Variants in UBAP2L observed in about 807,000 individuals in gnomAD.
UBAP2L encodes ubiquitin associated protein 2 like, also known as ubiquitin-associated protein 2-like.
UBAP2L carries 12 observed loss-of-function variants against 130.6 expected under a neutral mutation model. The observed-to-expected ratio is 0.09, with a 90% CI of 0.06 to 0.15. UBAP2L has a LOEUF of 0.15. Among genes scored for constraint, UBAP2L ranks in the 10% least tolerant of loss-of-function variants. The probability of loss-of-function intolerance (pLI) is 1.00; values close to 1 mark genes in which losing one functional copy is unlikely to be tolerated. For synonymous variants in UBAP2L, 503 were observed against 524.7 expected, an observed-to-expected ratio of 0.96 and a Z score of 0.57; for missense variants, 965 against 1,332.5, an observed-to-expected ratio of 0.72 and a Z score of 4.29.
intron 20 of UBAP2L, among the ~76,000 whole-genome samples, chr1:154,258,146 A>T (rs947461086): frequency 5.9e-5 from 9 of 152,000 alleles, no homozygotes; most frequent in African/African-American, 1.5e-4. Context: ...AGTTTTAAAA[A>T]TTTTTTTAGA....
chr1:154,229,455 T>C (rs764557368), intron 4 of UBAP2L, among the ~76,000 whole-genome samples: 2 of 152,168 alleles, frequency 1.3e-5, no homozygotes, highest in Non-Finnish European at 2.9e-5. Flanking sequence ...ATTTTGTTTT[T>C]TTAATGAGCA....
At chr1:154,227,178 A>T in intron 2 of UBAP2L, 104 bp from the exon 3 acceptor site, 1 of 951,030 alleles carries the variant, frequency 1.1e-6, no homozygotes, top group Non-Finnish European at 1.7e-6. Context: ...CTCATTTGTT[A>T]CAAGGAAAAG....
intron 4 of UBAP2L, among the ~76,000 whole-genome samples, chr1:154,232,774 C>A (rs976937253): frequency 6.6e-6 from 1 of 152,026 alleles, no homozygotes. Context: ...CACGACTCAC[C>A]GCAGCCTCAA....
At chr1:154,232,709 T>C (rs1326494392) in intron 4 of UBAP2L, among the ~76,000 whole-genome samples, 2 of 152,150 alleles carry the variant, frequency 1.3e-5, no homozygotes, top group African/African-American at 4.8e-5. Context: ...TATTTTTATA[T>C]ACTTTTTGAG....
At chr1:154,228,336 C>T (rs1011075791) in intron 3 of UBAP2L, among the ~76,000 whole-genome samples, 12 of 151,984 alleles carry the variant, frequency 7.9e-5, no homozygotes, top group African/African-American at 1.4e-4. Context: ...TACAGGCGCC[C>T]GCCACCACAC....
In UBAP2L at chr1:154,270,346, T is replaced by C; in HGVS notation, c.*51T>C. On this transcript the variant is annotated 3_prime_UTR_variant, in exon 27 of 27. Coordinates refer to ENST00000428931, the MANE Select transcript of UBAP2L (RefSeq NM_014847.4). Reference sequence around the variant, plus strand: ...CATCTTCTGAGAGGGCTTCTCAGCCTGGAAACTATGGAAACAGCATCAAAG... The same window carrying C: ...CATCTTCTGAGAGGGCTTCTCAGCCCGGAAACTATGGAAACAGCATCAAAG... 1 of 1,611,184 alleles carries C rather than the reference T, an allele frequency of 6.2e-7. No individual in the cohort carries two copies. The highest frequency in any genetic ancestry group is 8.5e-7 in the Non-Finnish European group (1 of 1,179,080).
chr1:154,241,603 A>G (rs1673658751), intron 9 of UBAP2L, 38 bp downstream of exon 9: 1 of 1,612,294 alleles, frequency 6.2e-7, no homozygotes, highest in Non-Finnish European at 8.5e-7. Context: ...AATGCCTTCT[A>G]TCCCTAAGTG....
At chr1:154,256,552 C>T (rs571967692) in intron 18 of UBAP2L, among the ~76,000 whole-genome samples, 1 of 152,208 alleles carries the variant, frequency 6.6e-6, no homozygotes, top group Admixed American at 6.5e-5. Flanking sequence ...AGTGGAAGGA[C>T]TGTTTGAGCC....
intron 10 of UBAP2L, among the ~76,000 whole-genome samples, chr1:154,243,971 T>C (rs1298412539): frequency 6.6e-6 from 1 of 152,196 alleles, no homozygotes; most frequent in African/African-American, 2.4e-5. Flanking sequence ...CTGAATCTTT[T>C]AGAACTGTTC....
intron 2 of UBAP2L, 39 bp downstream of exon 2, chr1:154,225,252 G>T (rs1362764859): frequency 1.2e-6 from 2 of 1,601,422 alleles, no homozygotes; most frequent in African/African-American, 1.3e-5. Context: ...GGATAGCGTT[G>T]CCTGCTGATA....
chr1:154,233,304 C>T (rs376949705), intron 4 of UBAP2L, among the ~76,000 whole-genome samples: 2 of 151,816 alleles, frequency 1.3e-5, no homozygotes, highest in East Asian at 1.9e-4. Context: ...CGTGAGTCAC[C>T]GCGCCTGGCC....
chr1:154,246,655 G>GA (rs1489350931), intron 11 of UBAP2L, among the ~76,000 whole-genome samples: 3 of 152,196 alleles, frequency 2.0e-5, no homozygotes. Context: ...ACTCTTGAGA[G>GA]AAAATCAATG....
intron 22 of UBAP2L, among the ~76,000 whole-genome samples, chr1:154,260,257 C>A (rs1285736797): frequency 1.3e-5 from 2 of 152,172 alleles, no homozygotes; most frequent in Admixed American, 6.5e-5. Flanking sequence ...CTTGTAGTCT[C>A]AGCTACTTGG....
intron 9 of UBAP2L, 110 bp from the exon 10 acceptor site, chr1:154,243,107 C>G (rs1334764470): frequency 2.4e-6 from 2 of 831,338 alleles, no homozygotes; most frequent in Non-Finnish European, 3.9e-6. Context: ...AGATAGTTTT[C>G]TCTTTATAGG....
chr1:154,224,628 G>T (rs1450738218), intron 1 of UBAP2L, among the ~76,000 whole-genome samples: 1 of 152,178 alleles, frequency 6.6e-6, no homozygotes, highest in Non-Finnish European at 1.5e-5. Flanking sequence ...TGTAAGGCAG[G>T]TAAGGCTGTT....
At position 154,251,149 on chromosome 1, in the gene UBAP2L, C is replaced by T; in HGVS notation, c.1322C>T (p.Ala441Val). Reference sequence around the variant, plus strand: ...GTGTTCCTTCAGGAGAAGTCACCTGCAGTGGCTACCTCCACAGCTGCACCT... The same window carrying T: ...GTGTTCCTTCAGGAGAAGTCACCTGTAGTGGCTACCTCCACAGCTGCACCT... ...MEVFLQEKSPAVATSTAAPPP... is the reference protein window; with the variant it reads ...MEVFLQEKSPVVATSTAAPPP... The change falls in exon 13 of 27, where the codon GCA (alanine) becomes GTA (valine). Residue 441 changes from alanine to valine, a missense_variant. Transcript: ENST00000428931. 1 of 1,614,170 alleles carries T rather than the reference C, an allele frequency of 6.2e-7. No homozygotes were observed. The highest frequency in any genetic ancestry group is 1.1e-5 in the South Asian group (1 of 91,084).
At chr1:154,233,651 C>CTGTGTGTGTGTG (rs61695071) in intron 4 of UBAP2L, among the ~76,000 whole-genome samples, 3 of 146,176 alleles carry the variant, frequency 2.1e-5, no homozygotes, top group African/African-American at 7.8e-5. Flanking sequence ...AATGAAATTG[C>CTGTGTGTGTGTG]TGTGTGTGTG....
downstream of UBAP2L, chr1:154,271,235 T>C (rs1684667503): frequency 3.1e-6 from 1 of 324,876 alleles, no homozygotes; most frequent in Admixed American, 4.5e-5. Flanking sequence ...AAAAATGCTT[T>C]ATAGAGTTTT....
chr1:154,254,532 G>A, intron 15 of UBAP2L: 4 of 493,084 alleles, frequency 8.1e-6, no homozygotes, highest in Non-Finnish European at 1.4e-5. Context: ...AAAAATCACT[G>A]GATGTGGACT....
Sources: allele counts gnomAD v4.1 joint callset (sites outside exome capture counted in the v4.1 genomes callset), GRCh38; gene constraint gnomAD v4.1.1; transcripts MANE v1.5; gene names NCBI Gene and HGNC (gene_info 2026-07-23, HGNC 2026-07-21).